The following C12orf42 variants were observed in gnomAD, a reference collection of about 807,000 sequenced individuals.
The protein encoded by C12orf42 is uncharacterized protein C12orf42.
In C12orf42, 25 loss-of-function variants were observed where a neutral mutation model predicts 21.6. That is an observed-to-expected ratio of 1.16 (90% CI 0.84 to 1.62). The LOEUF is 1.62. C12orf42 is among the 40% of genes most tolerant of loss of function. The pLI is 0.00. For synonymous variants in C12orf42, 174 were observed against 175.0 expected (o/e 0.99, Z 0.05); for missense variants, 483 against 459.3 (o/e 1.05, Z -0.47).
chr12:103,451,062 G>T (rs886282930), intron 2 of C12orf42, among the ~76,000 whole-genome samples: 2 of 151,950 alleles, frequency 1.3e-5, no homozygotes, highest in African/African-American at 4.8e-5. Context: ...GTCACTTTGG[G>T]TGTGTCAGAC....
chr12:103,528,204 T>G, the C12orf42 span, among the ~76,000 whole-genome samples: 1 of 152,320 alleles, frequency 6.6e-6, no homozygotes, highest in South Asian at 2.1e-4. Flanking sequence ...AGATATAGAT[T>G]CTGCTCATGA....
chr12:103,219,187 G>T, the C12orf42 span, among the ~76,000 whole-genome samples: 2 of 152,188 alleles, frequency 1.3e-5, no homozygotes, highest in South Asian at 2.1e-4. Context: ...TTTTAATTGG[G>T]GCATTTAGCC....
At position 103,287,087 on chromosome 12, in the gene C12orf42, C is replaced by T. The variant is rs534277935; in HGVS notation, n.338-9877G>A. On this transcript the variant is annotated intron_variant and non_coding_transcript_variant, in intron 4 of 6. Coordinates refer to the C12orf42 transcript ENST00000546526. ...TGGAGAGGATGTGGAGAAATAGGAA[C>T]ACTTTTACACTGTTGGTGGTACTGT... Among the ~76,000 whole-genome samples the T allele has an allele frequency of 1.9e-4, 29 of 152,246 alleles. No homozygotes were observed. The South Asian group carries it at 5.8e-3, about 30-fold the overall frequency.
At chr12:103,315,101 A>G (rs1186248300) in intron 4 of C12orf42, among the ~76,000 whole-genome samples, 1 of 152,208 alleles carries the variant, frequency 6.6e-6, no homozygotes, top group Admixed American at 6.5e-5. Flanking sequence ...ACATCTAGCC[A>G]GATTAACATA....
chr12:103,154,025 CAAAAAAA>C, the C12orf42 span, among the ~76,000 whole-genome samples: 39 of 51,672 alleles, frequency 7.5e-4, no homozygotes, highest in Non-Finnish European at 1.1e-3. Flanking sequence ...CAAATCTCAG[CAAAAAAA>C]AAAAAAAAAA....
intron 2 of C12orf42, among the ~76,000 whole-genome samples, chr12:103,405,824 C>A (rs894483258): frequency 2.0e-5 from 3 of 152,128 alleles, no homozygotes; most frequent in African/African-American, 7.2e-5. Flanking sequence ...GTATTTCTTT[C>A]TAAAGAAATG....
the C12orf42 span, among the ~76,000 whole-genome samples, chr12:103,117,618 T>C: frequency 6.6e-6 from 1 of 152,242 alleles, no homozygotes; most frequent in African/African-American, 2.4e-5. Flanking sequence ...TGCCTGTTGC[T>C]ATCTGCATCT....
the C12orf42 span, among the ~76,000 whole-genome samples, chr12:103,544,117 G>T: frequency 6.6e-6 from 1 of 152,030 alleles, no homozygotes; most frequent in South Asian, 2.1e-4. Context: ...AGCCAAGTTG[G>T]TCTCAATCAC....
At chr12:103,424,848 C>A (rs1949672700) in intron 2 of C12orf42, among the ~76,000 whole-genome samples, 1 of 152,162 alleles carries the variant, frequency 6.6e-6, no homozygotes, top group African/African-American at 2.4e-5. Context: ...CCATTCATTG[C>A]CCTGGAAAGG....
At chr12:103,544,809 C>T in the C12orf42 span, among the ~76,000 whole-genome samples, 25 of 151,890 alleles carry the variant, frequency 1.6e-4, no homozygotes, top group Admixed American at 2.6e-4. Context: ...TTTTTTTTCC[C>T]GCTTTATCTA....
chr12:103,137,087 C>T, the C12orf42 span, among the ~76,000 whole-genome samples: 1 of 152,110 alleles, frequency 6.6e-6, no homozygotes, highest in African/African-American at 2.4e-5. Flanking sequence ...AGTTAAGAAA[C>T]AACCTGTTGA....
chr12:103,334,555 C>G (rs1593480159), intron 4 of C12orf42, among the ~76,000 whole-genome samples: 1 of 152,120 alleles, frequency 6.6e-6, no homozygotes, highest in African/African-American at 2.4e-5. Flanking sequence ...GAGTACAATT[C>G]CCCACTTGTT....
the C12orf42 span, among the ~76,000 whole-genome samples, chr12:103,214,827 G>C: frequency 7.2e-5 from 11 of 152,248 alleles, no homozygotes; most frequent in South Asian, 1.9e-3. Flanking sequence ...GAGGGAGGGA[G>C]TTTTTGTTGA....
chr12:103,330,546 T>A (rs1055785370), intron 4 of C12orf42, among the ~76,000 whole-genome samples: 1 of 152,234 alleles, frequency 6.6e-6, no homozygotes, highest in Non-Finnish European at 1.5e-5. Context: ...TATATGGGAC[T>A]GAATTTGTTT....
intron 2 of C12orf42, among the ~76,000 whole-genome samples, chr12:103,444,457 T>G (rs1270574062): frequency 1.3e-5 from 2 of 152,158 alleles, no homozygotes; most frequent in Non-Finnish European, 2.9e-5. Context: ...TTGAAATGCA[T>G]TAAAATATCC....
rs200549825 is a variant in C12orf42 at position 103,261,476 on chromosome 12, CAAAA to C, written c.*1366+1846_*1366+1849del. Among the ~76,000 whole-genome samples the C allele has an allele frequency of 6.4e-3, 506 of 78,832 alleles. 3 individuals carry two copies. The highest frequency in any genetic ancestry group is 0.019 in the African/African-American group (481 of 25,818). 51.7% of individuals were successfully genotyped at this position (78,832 alleles called of 152,430 possible). A position where few individuals can be genotyped will look rare whatever the true frequency, so the allele number is the denominator to read the frequency against. On this transcript the variant is annotated intron_variant and NMD_transcript_variant, in intron 10 of 10. Transcript: ENST00000547347. ...CAGCTGGGTGACAATGAGACTCTTT[CAAAA>C]AAAAAAAAAAAAAAAAAAGTATGGT...
At chr12:103,193,761 A>AT in the C12orf42 span, among the ~76,000 whole-genome samples, 1 of 152,224 alleles carries the variant, frequency 6.6e-6, no homozygotes, top group East Asian at 1.9e-4. Flanking sequence ...TCTACCAAAG[A>AT]TTTTTTAAAA....
chr12:103,355,035 A>G (rs1292753885), intron 4 of C12orf42, among the ~76,000 whole-genome samples: 1 of 152,168 alleles, frequency 6.6e-6, no homozygotes, highest in Non-Finnish European at 1.5e-5. Context: ...ATGTGCGATT[A>G]CTATGTACCC....
At chr12:103,315,764 C>T (rs558360393) in intron 4 of C12orf42, among the ~76,000 whole-genome samples, 34 of 152,062 alleles carry the variant, frequency 2.2e-4, no homozygotes, top group Non-Finnish European at 3.2e-4. Flanking sequence ...AGAAGAATGA[C>T]GATAACAATT....
Sources: gnomAD v4.1 joint callset for allele counts (sites outside exome capture counted in the v4.1 genomes callset) on GRCh38, gnomAD v4.1.1 for gene constraint, MANE v1.5 for transcripts, NCBI Gene and HGNC (gene_info 2026-07-23, HGNC 2026-07-21) for gene names.